FRMPD3: variants seen among roughly 807,000 people sequenced by gnomAD.
The protein encoded by FRMPD3 is FERM and PDZ domain containing 3, also known as FERM and PDZ domain-containing protein 3.
In FRMPD3, 42 loss-of-function variants were observed where a neutral mutation model predicts 97.9. That is an observed-to-expected ratio of 0.43 (90% CI 0.34 to 0.55). The LOEUF (loss-of-function observed/expected upper bound fraction) is 0.55. FRMPD3 is among the 20% of genes least tolerant of loss of function. The pLI, the probability that FRMPD3 is intolerant of heterozygous loss-of-function variation, is 0.03. For synonymous variants in FRMPD3, 577 were observed against 581.1 expected (o/e 0.99, Z 0.10); for missense variants, 1,303 against 1,457.7 (o/e 0.89, Z 1.73).
At chrX:107,514,529 CTTTTTTT>C (rs753016000) in intron 1 of FRMPD3, among the ~76,000 whole-genome samples, 1 of 95,499 alleles carries the variant, frequency 1.0e-5, no homozygotes, top group Admixed American at 1.1e-4. Flanking sequence ...TTTCCTTTTC[CTTTTTTT>C]TTTTTTTTTG....
At chrX:107,549,801 C>T (rs931031265) in intron 5 of FRMPD3, among the ~76,000 whole-genome samples, 3 of 111,522 alleles carry the variant, frequency 2.7e-5, no homozygotes, top group African/African-American at 9.8e-5. Context: ...GTTTGAACTA[C>T]AGTAGAATGT....
chrX:107,454,216 A>G (rs1931340033), intron 1 of FRMPD3, among the ~76,000 whole-genome samples: 1 of 110,583 alleles, frequency 9.0e-6, no homozygotes, highest in Non-Finnish European at 1.9e-5. Flanking sequence ...TCTTCTTACT[A>G]CCCCTCAAAT....
chrX:107,455,916 A>G (rs1449839626), intron 1 of FRMPD3, among the ~76,000 whole-genome samples: 1 of 111,791 alleles, frequency 8.9e-6, no homozygotes, highest in Non-Finnish European at 1.9e-5. Context: ...GACTACTCAA[A>G]TGAATGACTT....
chrX:107,465,889 A>G (rs753671170), intron 1 of FRMPD3, among the ~76,000 whole-genome samples: 3 of 112,199 alleles, frequency 2.7e-5, no homozygotes, highest in Non-Finnish European at 5.6e-5. Context: ...AAAAGAAAAA[A>G]AAAATCCGTG....
intron 2 of FRMPD3, among the ~76,000 whole-genome samples, chrX:107,527,637 A>G (rs935954762): frequency 8.9e-6 from 1 of 112,649 alleles, no homozygotes; most frequent in Admixed American, 9.4e-5. Context: ...ATTGACAAAA[A>G]AGACAGACGG....
chrX:107,464,624 T>A (rs1373386483), intron 1 of FRMPD3, among the ~76,000 whole-genome samples: 1 of 111,563 alleles, frequency 9.0e-6, no homozygotes, highest in Non-Finnish European at 1.9e-5. Flanking sequence ...GTACTCAGAG[T>A]AGCACAGAGT....
At chrX:107,554,678 G>A in intron 8 of FRMPD3, 174 bp downstream of exon 8, 1 of 539,039 alleles carries the variant, frequency 1.9e-6, no homozygotes, top group Non-Finnish European at 2.9e-6. Flanking sequence ...GGCTGGCCTG[G>A]TGACCTGAGC....
chrX:107,489,827 A>G (rs1314049493), intron 1 of FRMPD3, among the ~76,000 whole-genome samples: 1 of 111,207 alleles, frequency 9.0e-6, no homozygotes, highest in Non-Finnish European at 1.9e-5. Flanking sequence ...GCTGTGCAGA[A>G]GCTCTTTAGT....
In FRMPD3 at chrX:107,510,969, A is replaced by G. The variant is rs748268170; in HGVS notation, c.-7-15613A>G. Reference sequence around the variant, plus strand: ...GCTGGGCGTAAGTCCTTGGCTTCAGATACAACCTGCATCATCTCAGGCAAG... The same window carrying G: ...GCTGGGCGTAAGTCCTTGGCTTCAGGTACAACCTGCATCATCTCAGGCAAG... On this transcript the variant is annotated intron_variant, in intron 1 of 14. Coordinates refer to ENST00000683843, the MANE Select transcript of FRMPD3 (RefSeq NM_001388459.1). Among the ~76,000 whole-genome samples, 6 of 112,596 alleles carry G rather than the reference A, an allele frequency of 5.3e-5. No individual in the cohort carries two copies. In the South Asian group the frequency reaches 2.2e-3, roughly 41 times the overall value.
At chrX:107,472,836 G>C (rs1921099669) in intron 1 of FRMPD3, among the ~76,000 whole-genome samples, 1 of 112,347 alleles carries the variant, frequency 8.9e-6, no homozygotes, top group Admixed American at 9.4e-5. Flanking sequence ...TTATTTCTCA[G>C]CACCTCCATT....
At chrX:107,534,842 A>G (rs777171047) in intron 4 of FRMPD3, among the ~76,000 whole-genome samples, 4 of 112,305 alleles carry the variant, frequency 3.6e-5, no homozygotes, top group Non-Finnish European at 7.5e-5. Flanking sequence ...ACTCACATAT[A>G]CACGCACTCA....
At chrX:107,542,352 A>T (rs186131648) in intron 4 of FRMPD3, among the ~76,000 whole-genome samples, 173 of 111,908 alleles carry the variant, frequency 1.5e-3, no homozygotes, top group Admixed American at 3.0e-3. Flanking sequence ...TTGGCTCAGG[A>T]TGAGAAGTCT....
intron 8 of FRMPD3, chrX:107,555,155 C>T (rs965102118): frequency 3.6e-5 from 4 of 112,349 alleles, no homozygotes; most frequent in African/African-American, 1.3e-4. Context: ...AGGGGGCATA[C>T]TCTAAGCAAA....
At chrX:107,577,187 A>C (rs1374757764) in intron 13 of FRMPD3, among the ~76,000 whole-genome samples, 1 of 103,598 alleles carries the variant, frequency 9.7e-6, no homozygotes, top group African/African-American at 3.5e-5. Flanking sequence ...AAAAAAAAAA[A>C]AAATACAAAA....
chrX:107,565,298 T>G (rs780118324), intron 12 of FRMPD3, among the ~76,000 whole-genome samples: 1 of 112,018 alleles, frequency 8.9e-6, no homozygotes, highest in East Asian at 2.8e-4. Flanking sequence ...GAGAGTCAGA[T>G]CAGCCTGAGA....
Position 107,602,523 on chromosome X carries a change from G to C in FRMPD3, c.4484G>C (p.Arg1495Pro). Residue 1495 changes from arginine (R) to proline (P), a missense_variant, in exon 15 of 15, where the codon CGC (arginine) becomes CCC (proline). Arg to Pro is a moderately radical substitution (Grantham distance 103). Coordinates refer to ENST00000683843, the MANE Select transcript of FRMPD3 (RefSeq NM_001388459.1). ...GAGAGCAGCAAGTGCTGCTCCATCC[G>C]CTACTGCTTCTACTACCGCAAGTGT... ...DSESSKCCSI[R>P]YCFYYRKCDM... is the part of the protein sequence containing the mutation. The C allele has an allele frequency of 8.3e-7, 1 of 1,211,553 alleles. No homozygotes were observed. The highest frequency in any genetic ancestry group is 1.1e-6 in the Non-Finnish European group (1 of 895,533).
Position 107,486,105 on chromosome X carries a change from A to G in FRMPD3, c.-8+36100A>G, listed in dbSNP as rs146424359. Among the ~76,000 whole-genome samples, 387 of 112,444 alleles carry G rather than the reference A, an allele frequency of 3.4e-3. 4 individuals are homozygous for G. The highest frequency in any genetic ancestry group is 0.012 in the African/African-American group (366 of 30,999). Reference sequence around the variant, plus strand: ...ATTCAAGCTGCATAAAATGCTGGAAAAGTAAAGAGCTAGGAGGGACTGTGG... The same window carrying G: ...ATTCAAGCTGCATAAAATGCTGGAAGAGTAAAGAGCTAGGAGGGACTGTGG... On this transcript the variant is annotated intron_variant, in intron 1 of 14. Coordinates refer to ENST00000683843, the MANE Select transcript of FRMPD3 (RefSeq NM_001388459.1).
Position 107,526,713 on chromosome X carries a change from TG to T in FRMPD3, c.127del (p.Val43TrpfsTer5). 1 of 1,202,227 alleles carries T rather than the reference TG, an allele frequency of 8.3e-7. No homozygotes were observed. Among genetic ancestry groups the T allele is most frequent in the South Asian group, 1.8e-5 (1 of 55,361 alleles). ...TTCGTGGCTGGCAGTGAGAGGCCTG[TG>T]GTGGTTCGATCTGTGAGGCCAGGTA... ...FGFVAGSERP[V>X]VVRSVRPGGP... On this transcript the variant is annotated frameshift_variant, in exon 2 of 15. Transcript: ENST00000683843. LOFTEE classifies it high-confidence loss of function.
chrX:107,596,556 G>A (rs1839088440), intron 13 of FRMPD3, among the ~76,000 whole-genome samples: 2 of 112,055 alleles, frequency 1.8e-5, no homozygotes, highest in East Asian at 2.8e-4. Context: ...CATTAAGAGC[G>A]GTTGACGAGA....
Sources: allele counts gnomAD v4.1 joint callset (sites outside exome capture counted in the v4.1 genomes callset), GRCh38; gene constraint gnomAD v4.1.1; transcripts MANE v1.5; gene names NCBI Gene and HGNC (gene_info 2026-07-23, HGNC 2026-07-21).